CSMD1: variants seen among roughly 807,000 people sequenced by gnomAD.
CSMD1 encodes CUB and sushi domain-containing protein 1.
Under a neutral mutation model 417.5 loss-of-function variants are expected in CSMD1, and 213 were observed. That is an observed-to-expected ratio of 0.51 (90% CI 0.46 to 0.57). The LOEUF is 0.57. Among genes scored for constraint, CSMD1 ranks in the 20% least tolerant of loss-of-function variants. The pLI, the probability that CSMD1 is intolerant of heterozygous loss-of-function variation, is 0.00. For synonymous variants in CSMD1, 2,862 were observed against 1,736.8 expected (o/e 1.65, Z -16.11); for missense variants, 6,923 against 4,529.7 (o/e 1.53, Z -15.17).
chr8:4,983,694 T>C (rs1811020091), intron 1 of CSMD1, among the ~76,000 whole-genome samples: 1 of 152,120 alleles, frequency 6.6e-6, no homozygotes, highest in Non-Finnish European at 1.5e-5. Flanking sequence ...AGCTAATTTT[T>C]TTTTTCGTAT....
rs138645575 is a variant in CSMD1, at chr8:4,460,341, T to C, written c.303-40276A>G. 1.3e-4 allele frequency among the ~76,000 whole-genome samples: 20 copies of C among 152,212 alleles called. No homozygotes were observed. The East Asian group carries it at 1.9e-3, about 15-fold the overall frequency. On this transcript the variant is annotated intron_variant, in intron 2 of 69. Transcript: ENST00000635120. The stretch of plus-strand genomic sequence containing the variant: ...TATGAAATGCAACTGAAGAATTGCA[T>C]AGAGGGAAATTTAGAGTAGTAAATA...
chr8:4,908,820 G>A lies in CSMD1; in HGVS notation c.85+85512C>T, dbSNP rs933190369. 2.0e-5 allele frequency among the ~76,000 whole-genome samples: 3 copies of A among 151,946 alleles called. No individual in the cohort carries two copies. In the East Asian group the frequency reaches 5.8e-4, roughly 29 times the overall value. On this transcript the variant is annotated intron_variant, in intron 1 of 69. Transcript: ENST00000635120. Reference sequence around the variant, plus strand: ...TACATGTTGTCTACTTTTCCCATTAGCACTCTAAGCATACTAATCATACTC... The same window carrying A: ...TACATGTTGTCTACTTTTCCCATTAACACTCTAAGCATACTAATCATACTC...
chr8:4,612,989 G>A (rs1213364101), intron 2 of CSMD1, among the ~76,000 whole-genome samples: 1 of 152,086 alleles, frequency 6.6e-6, no homozygotes, highest in Non-Finnish European at 1.5e-5. Flanking sequence ...CTGCAAAACT[G>A]ATCTCATAAC....
intron 6 of CSMD1, among the ~76,000 whole-genome samples, chr8:3,714,559 C>T (rs1477027732): frequency 0.16 from 420 of 2,598 alleles, 8 homozygotes; most frequent in African/African-American, 0.26. Context: ...CCATCTCTAT[C>T]CCAAAAAAAA....
intron 3 of CSMD1, among the ~76,000 whole-genome samples, chr8:4,255,898 A>G (rs1803423114): frequency 6.6e-6 from 1 of 152,184 alleles, no homozygotes; most frequent in African/African-American, 2.4e-5. Flanking sequence ...TAAACCCATG[A>G]GGGCAGAGGT....
At chr8:4,180,536 C>G (rs1584970318) in intron 3 of CSMD1, among the ~76,000 whole-genome samples, 1 of 151,508 alleles carries the variant, frequency 6.6e-6, no homozygotes, top group Non-Finnish European at 1.5e-5. Flanking sequence ...ATGTAACTAA[C>G]CTGCACATTG....
intron 40 of CSMD1, among the ~76,000 whole-genome samples, chr8:3,145,975 C>T (rs138519142): frequency 3.3e-5 from 5 of 152,110 alleles, no homozygotes; most frequent in Admixed American, 6.5e-5. Context: ...AGAGTTAAAC[C>T]CTAGTTTTTA....
chr8:3,952,912 G>A (rs1277101951), intron 5 of CSMD1, among the ~76,000 whole-genome samples: 2 of 152,152 alleles, frequency 1.3e-5, no homozygotes, highest in African/African-American at 4.8e-5. Context: ...AAGCTGTATT[G>A]AGTGCAATTT....
chr8:2,972,947 T>C (rs1330787526), intron 57 of CSMD1, among the ~76,000 whole-genome samples, 170 bp downstream of exon 57: 2 of 152,210 alleles, frequency 1.3e-5, no homozygotes, highest in African/African-American at 4.8e-5. Flanking sequence ...AATACCTCCA[T>C]GCACCCAGTC....
intron 4 of CSMD1, among the ~76,000 whole-genome samples, chr8:4,007,195 G>C (rs1470750203): frequency 1.3e-5 from 2 of 151,934 alleles, no homozygotes; most frequent in Non-Finnish European, 2.9e-5. Flanking sequence ...CATAGAACAT[G>C]CCTTCTATAT....
intron 1 of CSMD1, among the ~76,000 whole-genome samples, chr8:4,733,664 T>C (rs1292814718): frequency 6.6e-6 from 1 of 152,232 alleles, no homozygotes; most frequent in Non-Finnish European, 1.5e-5. Flanking sequence ...TCTGAACAGG[T>C]ATTTTGTTCA....
At chr8:3,366,920 AACACACACGGATGCACACATTAC>A in intron 20 of CSMD1, 89 bp downstream of exon 20, 1 of 865,588 alleles carries the variant, frequency 1.2e-6, no homozygotes, top group Non-Finnish European at 1.9e-6. Context: ...CGCATGTACA[AACACACACGGATGCACACATTAC>A]ACACACACAC....
chr8:4,334,765 G>T (rs1800074148), intron 3 of CSMD1, among the ~76,000 whole-genome samples: 1 of 152,120 alleles, frequency 6.6e-6, no homozygotes, highest in Non-Finnish European at 1.5e-5. Context: ...CTGTGTAGTT[G>T]AATGTAGGCA....
At chr8:4,184,845 C>A (rs896158708) in intron 3 of CSMD1, among the ~76,000 whole-genome samples, 14 of 151,826 alleles carry the variant, frequency 9.2e-5, no homozygotes, top group African/African-American at 3.4e-4. Flanking sequence ...TTTAAAATAC[C>A]CCAACACTTT....
intron 5 of CSMD1, among the ~76,000 whole-genome samples, chr8:3,820,091 T>C (rs1286278438): frequency 6.6e-6 from 1 of 152,202 alleles, no homozygotes; most frequent in African/African-American, 2.4e-5. Context: ...TTCTGCATTT[T>C]CTTCAGGGAC....
intron 2 of CSMD1, among the ~76,000 whole-genome samples, chr8:4,493,404 A>C (rs1018244483): frequency 1.8e-4 from 28 of 152,184 alleles, no homozygotes; most frequent in Non-Finnish European, 7.3e-5. Context: ...CACATTCTAA[A>C]GCTACTGATG....
At chr8:3,973,973 A>G (rs1813248510) in intron 5 of CSMD1, among the ~76,000 whole-genome samples, 1 of 152,204 alleles carries the variant, frequency 6.6e-6, no homozygotes, top group African/African-American at 2.4e-5. Context: ...TCCCTCAAGC[A>G]TTTATCCATT....
chr8:3,078,561 G>C (rs1013357939), intron 49 of CSMD1, among the ~76,000 whole-genome samples: 1 of 152,198 alleles, frequency 6.6e-6, no homozygotes, highest in Non-Finnish European at 1.5e-5. Context: ...ACTATGGCCT[G>C]TGGGTCGAAA....
chr8:4,984,275 T>C (rs924454500), intron 1 of CSMD1, among the ~76,000 whole-genome samples: 10 of 152,208 alleles, frequency 6.6e-5, no homozygotes, highest in Admixed American at 1.3e-4. Flanking sequence ...AAGTAGATGA[T>C]GTTCAAACAA....
Sources: allele counts gnomAD v4.1 joint callset (sites outside exome capture counted in the v4.1 genomes callset), GRCh38; gene constraint gnomAD v4.1.1; transcripts MANE v1.5; gene names NCBI Gene and HGNC (gene_info 2026-07-23, HGNC 2026-07-21).